KY: variants seen among roughly 807,000 people sequenced by gnomAD.
The protein encoded by KY is kyphoscoliosis peptidase.
A neutral mutation model predicts 76.1 loss-of-function variants in KY; 43 were observed. The observed-to-expected ratio is 0.57, with a 90% confidence interval of 0.44 to 0.73. The LOEUF (loss-of-function observed/expected upper bound fraction) is 0.73, where lower values mean the gene tolerates loss of function less well. Ranked by LOEUF, KY falls within the 30% of genes least tolerant of loss-of-function variation. The pLI, the probability that KY is intolerant of heterozygous loss-of-function variation, is 0.00. For missense variants in KY, 722 were observed against 828.9 expected, an observed-to-expected ratio of 0.87 and a Z score of 1.58; for synonymous variants, 277 against 326.2, an observed-to-expected ratio of 0.85 and a Z score of 1.63.
At chr3:134,628,092 A>G (rs1963707296) in intron 4 of KY, 1 of 472,800 alleles carries the variant, frequency 2.1e-6, no homozygotes, top group Non-Finnish European at 3.8e-6. Context: ...CTGACCTAAC[A>G]CTTTGGGTGA....
intron 1 of KY, among the ~76,000 whole-genome samples, chr3:134,648,126 T>C (rs1252298149): frequency 6.6e-6 from 1 of 152,204 alleles, no homozygotes; most frequent in Non-Finnish European, 1.5e-5. Context: ...TGGCACAGCA[T>C]GGGGATACGT....
At chr3:134,644,016 G>A (rs6771205) in intron 2 of KY, among the ~76,000 whole-genome samples, 87,965 of 151,800 alleles carry the variant, frequency 0.58, 26,555 homozygotes, top group East Asian at 0.89. Context: ...TAGTAGAGAC[G>A]GGGTTTCACC....
chr3:134,625,842 C>T (rs960793181), intron 5 of KY, among the ~76,000 whole-genome samples: 4 of 152,242 alleles, frequency 2.6e-5, no homozygotes, highest in African/African-American at 9.6e-5. Flanking sequence ...GCCTGCTGAC[C>T]AGAGACCAAA....
At chr3:134,645,671 T>C (rs1191859201) in intron 2 of KY, among the ~76,000 whole-genome samples, 1 of 152,232 alleles carries the variant, frequency 6.6e-6, no homozygotes, top group Non-Finnish European at 1.5e-5. Flanking sequence ...CGTCATTTTT[T>C]CTGGGCTCAG....
intron 8 of KY, among the ~76,000 whole-genome samples, chr3:134,611,592 C>T (rs926575132): frequency 1.3e-5 from 2 of 152,242 alleles, no homozygotes; most frequent in Non-Finnish European, 2.9e-5. Flanking sequence ...GATACACAAC[C>T]TGTGAAACCG....
chr3:134,612,399 G>C (rs1164059674), intron 8 of KY, among the ~76,000 whole-genome samples: 2 of 152,220 alleles, frequency 1.3e-5, no homozygotes, highest in African/African-American at 4.8e-5. Context: ...TGCATACCTG[G>C]AGTGCTCTCT....
chr3:134,604,867 G>A (rs912964087), intron 10 of KY, among the ~76,000 whole-genome samples: 1 of 152,178 alleles, frequency 6.6e-6, no homozygotes, highest in African/African-American at 2.4e-5. Flanking sequence ...CAAGTCTCAG[G>A]TCTAGCTTGC....
At chr3:134,607,696 C>T in intron 10 of KY, 10 of 985,818 alleles carry the variant, frequency 1.0e-5, no homozygotes, top group Non-Finnish European at 1.1e-5. Flanking sequence ...CCCCCGTATG[C>T]CTCAGAGTGT....
chr3:134,604,243 C>T lies in KY; in HGVS notation c.1322G>A (p.Gly441Asp). ...YTLKCNYVDM[G>D]VQLPAELHQP... is the part of the protein sequence containing the mutation. ...GTGAAGCTCAGCAGGCAGCTGGACACCCATGTCCACATAATTGCACTTGAG... is the reference window on the plus strand; with the variant it reads ...GTGAAGCTCAGCAGGCAGCTGGACATCCATGTCCACATAATTGCACTTGAG... Residue 441 changes from glycine (G) to aspartate (D), a missense_variant, in exon 11 of 11, where the codon GGT becomes GAT. This residue lies in a region of KY where 552 missense variants were observed against 680.9 expected (regional missense o/e 0.81). Coordinates refer to ENST00000423778, the MANE Select transcript of KY (RefSeq NM_178554.6). 1.3e-5 allele frequency: 21 copies of T among 1,613,794 alleles called. No individual in the cohort carries two copies. Among genetic ancestry groups the T allele is most frequent in the Non-Finnish European group, 1.8e-5 (21 of 1,179,834 alleles).
intron 3 of KY, among the ~76,000 whole-genome samples, chr3:134,631,996 G>A (rs1964299031): frequency 6.6e-6 from 1 of 152,050 alleles, no homozygotes; most frequent in African/African-American, 2.4e-5. Context: ...CAGAAAGCTG[G>A]AGTTGCTATG....
At chr3:134,605,024 C>T (rs1959164572) in intron 10 of KY, among the ~76,000 whole-genome samples, 2 of 152,310 alleles carry the variant, frequency 1.3e-5, no homozygotes, top group Non-Finnish European at 2.9e-5. Context: ...TCCCCCACCC[C>T]ATGCTTCTCA....
At chr3:134,616,922 A>G (rs1193610474) in intron 8 of KY, among the ~76,000 whole-genome samples, 1 of 152,220 alleles carries the variant, frequency 6.6e-6, no homozygotes, top group East Asian at 1.9e-4. Context: ...CAGGTAGGCA[A>G]TCTAGTCTCC....
intron 6 of KY, among the ~76,000 whole-genome samples, chr3:134,624,140 C>T (rs202222712): frequency 6.6e-6 from 1 of 152,138 alleles, no homozygotes; most frequent in Admixed American, 6.5e-5. Flanking sequence ...GATGCACCCT[C>T]CAGGAGTCAA....
Position 134,608,644 on chromosome 3 carries a change from C to A in KY, c.1090+5G>T, listed in dbSNP as rs1959704169. 6.2e-7 allele frequency: 1 copy of A among 1,614,038 alleles called. No homozygotes were observed. The highest frequency in any genetic ancestry group is 1.1e-5 in the South Asian group (1 of 91,088). ...CTAGCACACTGGCACCTGCTCCGGG[C>A]TCACCTGTTCTGATCATGGAAGTCT... On this transcript the variant is annotated splice_donor_5th_base_variant and intron_variant, in intron 10 of 10. Coordinates refer to ENST00000423778, the MANE Select transcript of KY (RefSeq NM_178554.6).
At chr3:134,618,609 C>A (rs926628955) in intron 8 of KY, among the ~76,000 whole-genome samples, 18 of 151,318 alleles carry the variant, frequency 1.2e-4, no homozygotes, top group African/African-American at 4.4e-4. Flanking sequence ...CAGGCCAGAG[C>A]TGTCACCCAC....
intron 10 of KY, among the ~76,000 whole-genome samples, chr3:134,605,672 C>T (rs1959182115): frequency 6.6e-6 from 1 of 152,074 alleles, no homozygotes; most frequent in African/African-American, 2.4e-5. Flanking sequence ...CACACATCCC[C>T]CCACTGCCTC....
chr3:134,614,138 C>G (rs1235314685), intron 8 of KY, among the ~76,000 whole-genome samples: 2 of 152,128 alleles, frequency 1.3e-5, no homozygotes, highest in African/African-American at 4.8e-5. Flanking sequence ...AGTCTATAAG[C>G]AAAGACCTGG....
intron 10 of KY, chr3:134,607,826 G>T (rs940419140): frequency 4.6e-5 from 45 of 987,940 alleles, no homozygotes; most frequent in Non-Finnish European, 5.1e-5. Flanking sequence ...GAGTGGGCTG[G>T]AAACGGCTGG....
intron 10 of KY, 133 bp from the exon 11 acceptor site, chr3:134,604,607 A>G (rs554326857): frequency 2.7e-6 from 2 of 736,072 alleles, no homozygotes; most frequent in East Asian, 5.3e-5. Flanking sequence ...CGGTGTTAAT[A>G]CTTTCACCAC....
Sources: allele counts gnomAD v4.1 joint callset (sites outside exome capture counted in the v4.1 genomes callset), GRCh38; gene constraint gnomAD v4.1.1; regional missense constraint gnomAD v4.1.1; transcripts MANE v1.5; gene names NCBI Gene and HGNC (gene_info 2026-07-23, HGNC 2026-07-21).